ZNF274: variants seen among roughly 807,000 people sequenced by gnomAD.
ZNF274 encodes the protein neurotrophin receptor-interacting factor homolog.
ZNF274 carries 23 observed loss-of-function variants against 42.5 expected under a neutral mutation model. That is an observed-to-expected ratio of 0.54 (90% confidence interval 0.39 to 0.77). The LOEUF is 0.77. Among genes scored for constraint, ZNF274 ranks in the 30% least tolerant of loss-of-function variants. The probability of loss-of-function intolerance (pLI) is 0.00; values close to 1 mark genes in which losing one functional copy is unlikely to be tolerated. For synonymous variants in ZNF274, 292 were observed against 305.4 expected, an observed-to-expected ratio of 0.96 and a Z score of 0.46; for missense variants, 679 against 806.5, an observed-to-expected ratio of 0.84 and a Z score of 1.91.
chr19:58,188,694 G>GTATATGTATATGTGTATATATA (rs1221412961), intron 4 of ZNF274, among the ~76,000 whole-genome samples: 4 of 74,656 alleles, frequency 5.4e-5, no homozygotes, highest in African/African-American at 2.2e-4. Flanking sequence ...ATATGTATAT[G>GTATATGTATATGTGTATATATA]TATATATATA....
chr19:58,206,291 T>C (rs1199861609), intron 4 of ZNF274, among the ~76,000 whole-genome samples: 5 of 152,246 alleles, frequency 3.3e-5, no homozygotes, highest in Admixed American at 3.3e-4. Context: ...ATTATATGAC[T>C]AGATCACAAT....
In ZNF274 at chr19:58,203,096, TAAG is replaced by T. The variant is rs1023609044; in HGVS notation, c.257-3622_257-3620del. ...TTTTAGAAATTTATGAAGTAACGTT[TAAG>T]ATGTTTAAGTGTCATGCATGGTTAC... On this transcript the variant is annotated intron_variant, in intron 4 of 7. Coordinates refer to ENST00000617501, the MANE Select transcript of ZNF274 (RefSeq NM_133502.3). 5.3e-5 allele frequency among the ~76,000 whole-genome samples: 8 copies of T among 152,130 alleles called. No individual in the cohort carries two copies. The East Asian group carries it at 1.5e-3, about 29-fold the overall frequency.
intron 4 of ZNF274, 146 bp downstream of exon 4, chr19:58,187,188 C>T (rs1159541727): frequency 1.5e-6 from 1 of 668,644 alleles, no homozygotes; most frequent in African/African-American, 1.8e-5. Context: ...AAGTTTTTCT[C>T]TGGCTCCACA....
At chr19:58,205,904 T>G (rs1382180065) in intron 4 of ZNF274, among the ~76,000 whole-genome samples, 1 of 152,184 alleles carries the variant, frequency 6.6e-6, no homozygotes, top group Non-Finnish European at 1.5e-5. Flanking sequence ...TTGCCTTTTG[T>G]TCTTTCCCTA....
intron 4 of ZNF274, among the ~76,000 whole-genome samples, chr19:58,203,787 G>GA (rs2075946441): frequency 6.6e-6 from 1 of 152,192 alleles, no homozygotes; most frequent in Non-Finnish European, 1.5e-5. Flanking sequence ...TTATTTGGGG[G>GA]AAGAGGTTGG....
Position 58,185,756 on chromosome 19 carries a change from A to G in ZNF274, c.78A>G (p.Glu26=), listed in dbSNP as rs752246616. The G allele has an allele frequency of 1.4e-6, 2 of 1,466,262 alleles. No homozygotes were observed. The highest frequency in any genetic ancestry group is 1.8e-6 in the Non-Finnish European group (2 of 1,102,916). 90.8% of individuals were successfully genotyped at this position (1,466,262 alleles called of 1,614,324 possible). A position where few individuals can be genotyped will look rare whatever the true frequency, so the allele number is the denominator to read the frequency against. Residue 26 remains glutamate, a synonymous_variant, in exon 3 of 8, where the codon GAA becomes GAG. Transcript: ENST00000617501. The part of the protein sequence containing the change: ...FEDVTLGFTP[E]EWGLLDLKQK... ...ATGTAACACTGGGTTTTACCCCGGAAGAGTGGGGACTGCTGGACCTCAAAC... is the reference window on the plus strand; with the variant it reads ...ATGTAACACTGGGTTTTACCCCGGAGGAGTGGGGACTGCTGGACCTCAAAC...
At chr19:58,196,722 A>G (rs969647178) in intron 4 of ZNF274, among the ~76,000 whole-genome samples, 6 of 152,224 alleles carry the variant, frequency 3.9e-5, no homozygotes, top group Non-Finnish European at 7.3e-5. Context: ...CTATAGAGTG[A>G]TCAACAGCAT....
chr19:58,205,510 A>C (rs2146238898), intron 4 of ZNF274, among the ~76,000 whole-genome samples: 1 of 152,190 alleles, frequency 6.6e-6, no homozygotes, highest in East Asian at 1.9e-4. Context: ...ATTAATTTAA[A>C]CTTTTTTAGA....
intron 3 of ZNF274, chr19:58,186,201 C>T (rs1466584297): frequency 6.6e-6 from 1 of 151,386 alleles, no homozygotes; most frequent in African/African-American, 2.4e-5. Context: ...AAAGAAACTC[C>T]ACAGAAATTC....
At position 58,210,092 on chromosome 19, in the gene ZNF274, C is replaced by A; in HGVS notation, c.852+19C>A. On this transcript the variant is annotated intron_variant, in intron 6 of 7. Transcript: ENST00000617501. Reference sequence around the variant, plus strand: ...CCCTGAGGTAAGCGGGGAGTATCACCCTGTTTTGGTCACAGCATCTCCTGT... The same window carrying A: ...CCCTGAGGTAAGCGGGGAGTATCACACTGTTTTGGTCACAGCATCTCCTGT... 1 of 1,606,978 alleles carries A rather than the reference C, an allele frequency of 6.2e-7. No individual in the cohort carries two copies. Among genetic ancestry groups the A allele is most frequent in the South Asian group, 1.1e-5 (1 of 90,624 alleles).
intron 4 of ZNF274, among the ~76,000 whole-genome samples, chr19:58,203,765 T>TA (rs2075946188): frequency 6.6e-6 from 1 of 152,040 alleles, no homozygotes; most frequent in African/African-American, 2.4e-5. Flanking sequence ...AAAATGAAAA[T>TA]ACCTCAAAAG....
intron 4 of ZNF274, among the ~76,000 whole-genome samples, chr19:58,199,439 G>A (rs1199481031): frequency 2.6e-5 from 4 of 152,132 alleles, no homozygotes; most frequent in Non-Finnish European, 5.9e-5. Flanking sequence ...CAGGTATGGT[G>A]GCTCACACCT....
In ZNF274 at chr19:58,207,252, T is replaced by C; in HGVS notation, c.739+50T>C. ...ACAGCTTAATGAGGGTGTCTTGGAGTACCCTGTGGGGGAGATAAGAACTCC... is the reference window on the plus strand; with the variant it reads ...ACAGCTTAATGAGGGTGTCTTGGAGCACCCTGTGGGGGAGATAAGAACTCC... On this transcript the variant is annotated intron_variant, in intron 5 of 7. Coordinates refer to ENST00000617501, the MANE Select transcript of ZNF274 (RefSeq NM_133502.3). The surrounding 1 kb of genome is among the most constrained non-coding windows in gnomAD (Gnocchi z 5.6). 6.5e-7 allele frequency: 1 copy of C among 1,549,786 alleles called. No homozygotes were observed. Among genetic ancestry groups the C allele is most frequent in the Non-Finnish European group, 8.7e-7 (1 of 1,147,762 alleles).
Position 58,213,269 on chromosome 19 carries a change from A to C in ZNF274, c.*126A>C. On this transcript the variant is annotated 3_prime_UTR_variant, in exon 8 of 8. Transcript: ENST00000617501. ...ATTGAGTGAGGACATTCCCAAAACC[A>C]AAGGACAACTGAGGAGACTGCCCAG... 7.8e-7 allele frequency: 1 copy of C among 1,277,818 alleles called. No individual in the cohort carries two copies. The highest frequency in any genetic ancestry group is 2.4e-5 in the East Asian group (1 of 40,964). The allele number at this position is 1,277,818 out of a possible 1,614,324, so 79.2% of individuals were successfully genotyped here. A position where few individuals can be genotyped will look rare whatever the true frequency, so the allele number is the denominator to read the frequency against.
At position 58,213,544 on chromosome 19, in the gene ZNF274, A is replaced by G. The variant is rs977578454; in HGVS notation, c.*401A>G. 27 of 176,406 alleles carry G rather than the reference A, an allele frequency of 1.5e-4. No homozygotes were observed. Among genetic ancestry groups the G allele is most frequent in the African/African-American group, 5.5e-4 (23 of 42,094 alleles). 10.9% of individuals were successfully genotyped at this position (176,406 alleles called of 1,614,324 possible). On this transcript the variant is annotated 3_prime_UTR_variant, in exon 8 of 8. Coordinates refer to ENST00000617501, the MANE Select transcript of ZNF274 (RefSeq NM_133502.3). Reference sequence around the variant, plus strand: ...AAAAGATAATGTGGATAAATAAACTATTGATCTATGTCTGTGTAGAACCTG... The same window carrying G: ...AAAAGATAATGTGGATAAATAAACTGTTGATCTATGTCTGTGTAGAACCTG...
chr19:58,184,943 C>A (rs2075678889), intron 2 of ZNF274: 1 of 150,476 alleles, frequency 6.6e-6, no homozygotes, highest in Non-Finnish European at 1.5e-5. Flanking sequence ...TAGTGAAACC[C>A]CGTCTCTACT....
chr19:58,201,977 C>T (rs1206504612), intron 4 of ZNF274, among the ~76,000 whole-genome samples: 2 of 152,128 alleles, frequency 1.3e-5, no homozygotes, highest in Non-Finnish European at 2.9e-5. Flanking sequence ...TCCCAGTTGG[C>T]AGCCTCAGTG....
Position 58,201,194 on chromosome 19 carries a change from T to C in ZNF274, c.257-5526T>C, listed in dbSNP as rs567979962. Among the ~76,000 whole-genome samples, 748 of 89,448 alleles carry C rather than the reference T, an allele frequency of 8.4e-3. 9 individuals carry two copies. The highest frequency in any genetic ancestry group is 0.026 in the African/African-American group (694 of 26,346). The allele number at this position is 89,448 out of a possible 152,430, so 58.7% of individuals were successfully genotyped here. ...TAATTTTTTTTTTTTTTTTTTTTTG[T>C]GGAGATGGGGTTTTGCCATGTTGCC... On this transcript the variant is annotated intron_variant, in intron 4 of 7. Coordinates refer to ENST00000617501, the MANE Select transcript of ZNF274 (RefSeq NM_133502.3).
chr19:58,184,341 G>GTCTCCCTC (rs2075670168), intron 2 of ZNF274: 1 of 215,682 alleles, frequency 4.6e-6, no homozygotes, highest in Admixed American at 5.4e-5. Context: ...CCAGGCTGGA[G>GTCTCCCTC]TGCAGTGGCG....
Sources: gnomAD v4.1 joint callset for allele counts (sites outside exome capture counted in the v4.1 genomes callset) on GRCh38, gnomAD v4.1.1 for gene constraint, Gnocchi (gnomAD v3.1) non-coding constraint, MANE v1.5 for transcripts, NCBI Gene and HGNC (gene_info 2026-07-23, HGNC 2026-07-21) for gene names.